The following HHLA1 variants were observed in gnomAD, a reference collection of about 807,000 sequenced individuals.
HHLA1 encodes the protein HHLA1 neighbor of OC90.
A neutral mutation model predicts 69.9 loss-of-function variants in HHLA1; 72 were observed. The observed-to-expected ratio is 1.03, with a 90% CI of 0.85 to 1.25. The LOEUF (loss-of-function observed/expected upper bound fraction) is 1.25, where lower values mean the gene tolerates loss of function less well. HHLA1 is among the 50% of genes most tolerant of loss of function. The pLI is 0.00. For missense variants in HHLA1, 685 were observed against 642.2 expected, an observed-to-expected ratio of 1.07 and a Z score of -0.72; for synonymous variants, 252 against 233.2, an observed-to-expected ratio of 1.08 and a Z score of -0.73.
At chr8:132,078,166 CAATA>C in intron 11 of HHLA1, among the ~76,000 whole-genome samples, 195 bp from the exon 12 acceptor site, 1 of 124,232 alleles carries the variant, frequency 8.0e-6, no homozygotes, top group East Asian at 2.4e-4. Context: ...TCCTAAGCAC[CAATA>C]AACACACACA....
At chr8:132,069,273 A>G (rs1823490617) in intron 15 of HHLA1, among the ~76,000 whole-genome samples, 1 of 152,174 alleles carries the variant, frequency 6.6e-6, no homozygotes, top group Non-Finnish European at 1.5e-5. Flanking sequence ...CTGGGATCCC[A>G]TAGCATGTTA....
chr8:132,108,244 G>A (rs1440067460), intron 1 of HHLA1, among the ~76,000 whole-genome samples: 1 of 152,178 alleles, frequency 6.6e-6, no homozygotes, highest in Non-Finnish European at 1.5e-5. Context: ...CATGGAGCAA[G>A]TGCTATATAA....
In HHLA1 at chr8:132,087,682, G is replaced by C. The variant is rs1364527492; in HGVS notation, c.647C>G (p.Thr216Arg). The C allele has an allele frequency of 6.4e-7, 1 of 1,551,386 alleles. No homozygotes were observed. Among genetic ancestry groups the C allele is most frequent in the East Asian group, 2.4e-5 (1 of 40,924 alleles). Residue 216 changes from threonine (T) to arginine (R), a missense_variant, in exon 10 of 17, where the codon ACA becomes AGA. By Grantham distance (71) the Thr-to-Arg change is moderately conservative (BLOSUM62 -1). Transcript: ENST00000414222. ...IEEKYPIINY[T>R]FTSGLSGVLG... ...AACACCAGACAAGCCGCTGGTAAAT[G>C]TGTAATTGATAATGGGATATTTTTC...
Position 132,062,538 on chromosome 8 carries a change from G to A in HHLA1, c.*1457C>T, listed in dbSNP as rs1239525050. 2 of 152,280 alleles carry A rather than the reference G, an allele frequency of 1.3e-5. No individual in the cohort carries two copies. Among genetic ancestry groups the A allele is most frequent in the Non-Finnish European group, 2.9e-5 (2 of 68,128 alleles). The allele number at this position is 152,280 out of a possible 1,614,324, so 9.4% of individuals were successfully genotyped here. ...ACTCATGGCCCAGCAGAGTCCTAAG[G>A]CAAGAGAGTGGAGAAGGAGCACCAG... On this transcript the variant is annotated 3_prime_UTR_variant, in exon 17 of 17. Coordinates refer to ENST00000414222, the MANE Select transcript of HHLA1 (RefSeq NM_001145095.3).
At chr8:132,109,984 A>T (rs1279655260) in intron 1 of HHLA1, among the ~76,000 whole-genome samples, 3 of 152,206 alleles carry the variant, frequency 2.0e-5, no homozygotes, top group African/African-American at 7.2e-5. Flanking sequence ...TTGTCACAGC[A>T]GCCCTGGAGC....
In HHLA1 at chr8:132,071,436, G is replaced by T. The variant is rs1239775309; in HGVS notation, c.1373C>A (p.Ala458Asp). ...GAMAAAPLTL[A>D]IQRLNPCLME... Reference sequence around the variant, plus strand: ...CAGGCATGGGTTGAGCCTCTGAATAGCCAGGGTGAGAGGAGCAGCTGCCAT... The same window carrying T: ...CAGGCATGGGTTGAGCCTCTGAATATCCAGGGTGAGAGGAGCAGCTGCCAT... The change falls in exon 15 of 17, where the codon GCT (alanine) becomes GAT (aspartate). Residue 458 changes from alanine (A) to aspartate (D), a missense_variant. Physicochemically the swap from Ala to Asp is moderately radical, Grantham distance 126. Transcript: ENST00000414222. 2 of 1,551,660 alleles carry T rather than the reference G, an allele frequency of 1.3e-6. No homozygotes were observed. The highest frequency in any genetic ancestry group is 3.9e-5 in the Admixed American group (2 of 51,016).
chr8:132,067,472 T>G (rs1241050412), intron 15 of HHLA1, among the ~76,000 whole-genome samples: 4 of 152,130 alleles, frequency 2.6e-5, no homozygotes, highest in Non-Finnish European at 5.9e-5. Context: ...GAACCTGTAC[T>G]CTTAGGGAGA....
intron 8 of HHLA1, among the ~76,000 whole-genome samples, chr8:132,089,010 GTT>G: frequency 6.6e-6 from 1 of 152,206 alleles, no homozygotes; most frequent in African/African-American, 2.4e-5. Context: ...TTGTTGGACT[GTT>G]GAATAGATCC....
At chr8:132,092,270 T>C (rs1192780753) in intron 7 of HHLA1, among the ~76,000 whole-genome samples, 1 of 152,238 alleles carries the variant, frequency 6.6e-6, no homozygotes, top group Non-Finnish European at 1.5e-5. Flanking sequence ...AATTTCAAGC[T>C]TGCTTTGTGG....
At chr8:132,091,163 G>A (rs886905596) in intron 7 of HHLA1, among the ~76,000 whole-genome samples, 4 of 152,016 alleles carry the variant, frequency 2.6e-5, no homozygotes, top group African/African-American at 4.8e-5. Context: ...AATATTCATC[G>A]AGCATTTGCA....
At chr8:132,083,738 G>T (rs1823804438) in intron 10 of HHLA1, among the ~76,000 whole-genome samples, 1 of 152,204 alleles carries the variant, frequency 6.6e-6, no homozygotes, top group Admixed American at 6.5e-5. Flanking sequence ...AGGAACGCCT[G>T]GCCGCTGCGG....
At chr8:132,099,929 T>A in intron 4 of HHLA1, 146 bp downstream of exon 4, 1 of 638,534 alleles carries the variant, frequency 1.6e-6, no homozygotes, top group Non-Finnish European at 2.8e-6. Context: ...ATTCAAACAT[T>A]GTCTTCTTCA....
At position 132,077,854 on chromosome 8, in the gene HHLA1, C is replaced by G; in HGVS notation, c.1043G>C (p.Trp348Ser). The change falls in exon 12 of 17, where the codon TGG becomes TCG. Residue 348 changes from tryptophan to serine, a missense_variant. Physicochemically the swap from Trp to Ser is radical, Grantham distance 177. Coordinates refer to ENST00000414222, the MANE Select transcript of HHLA1 (RefSeq NM_001145095.3). ...AGTCGGTGGGGAAGAACGAGTTTCCCAGAGAGACCCTCCAGGTTTTTTCTC... is the reference window on the plus strand; with the variant it reads ...AGTCGGTGGGGAAGAACGAGTTTCCGAGAGAGACCCTCCAGGTTTTTTCTC... ...ISEKKPGGSL[W>S]ETRSSPPTTA... 6.4e-7 allele frequency: 1 copy of G among 1,551,464 alleles called. No individual in the cohort carries two copies. The highest frequency in any genetic ancestry group is 8.7e-7 in the Non-Finnish European group (1 of 1,146,954).
In HHLA1 at chr8:132,070,516, G is replaced by C. The variant is rs1015659483; in HGVS notation, c.1469+824C>G. The C allele has an allele frequency of 4.8e-6, 3 of 622,054 alleles. No homozygotes were observed. In the African/African-American group the frequency reaches 5.5e-5, roughly 11 times the overall value. 38.5% of individuals were successfully genotyped at this position (622,054 alleles called of 1,614,324 possible). A position where few individuals can be genotyped will look rare whatever the true frequency, so the allele number is the denominator to read the frequency against. ...CATAATTCTACTTAACATGACACAA[G>C]TTAACTTAACTCAACACAACATATC... On this transcript the variant is annotated intron_variant, in intron 15 of 16. Transcript: ENST00000414222.
intron 3 of HHLA1, among the ~76,000 whole-genome samples, chr8:132,100,803 C>T (rs1296268250): frequency 6.6e-6 from 1 of 152,096 alleles, no homozygotes; most frequent in African/African-American, 2.4e-5. Context: ...AGGGCACTAG[C>T]CTGGTGTCAG....
chr8:132,089,056 A>G, intron 8 of HHLA1, among the ~76,000 whole-genome samples: 1 of 152,156 alleles, frequency 6.6e-6, no homozygotes, highest in East Asian at 1.9e-4. Context: ...AGGAAATGTG[A>G]TTTTCCTGGG....
chr8:132,101,872 C>T (rs879189255), intron 3 of HHLA1, among the ~76,000 whole-genome samples: 3 of 152,152 alleles, frequency 2.0e-5, no homozygotes, highest in Admixed American at 1.3e-4. Flanking sequence ...GCACTCATCC[C>T]AATTAACAGA....
Position 132,079,756 on chromosome 8 carries a change from G to T in HHLA1, c.887C>A (p.Ala296Asp). The T allele has an allele frequency of 6.4e-7, 1 of 1,551,550 alleles. No homozygotes were observed. Among genetic ancestry groups the T allele is most frequent in the African/African-American group, 1.4e-5 (1 of 73,172 alleles). ...RPPELPARATATWFSASHTLP... is the reference protein window; with the variant it reads ...RPPELPARATDTWFSASHTLP... Reference sequence around the variant, plus strand: ...AGTGTGGGAGGCACTGAACCATGTGGCTGTGGCCCTGGCTGGAAGCTCAGG... The same window carrying T: ...AGTGTGGGAGGCACTGAACCATGTGTCTGTGGCCCTGGCTGGAAGCTCAGG... The change falls in exon 11 of 17, where the codon GCC becomes GAC. Residue 296 changes from alanine (A) to aspartate (D), a missense_variant. Transcript: ENST00000414222.
In HHLA1 at chr8:132,061,834, C is replaced by T. The variant is rs2130870149; in HGVS notation, c.*2161G>A. On this transcript the variant is annotated 3_prime_UTR_variant, in exon 17 of 17. Transcript: ENST00000414222. ...ATGGTATGACTGTAGAAAACTGGCC[C>T]CAAGGAGTCCTCTGAGCCTTTGTCC... 1 of 152,352 alleles carries T rather than the reference C, an allele frequency of 6.6e-6. No individual in the cohort carries two copies. Among genetic ancestry groups the T allele is most frequent in the African/African-American group, 2.4e-5 (1 of 41,570 alleles). The allele number at this position is 152,352 out of a possible 1,614,324, so 9.4% of individuals were successfully genotyped here.
Sources: gnomAD v4.1 joint callset for allele counts (sites outside exome capture counted in the v4.1 genomes callset) on GRCh38, gnomAD v4.1.1 for gene constraint, MANE v1.5 for transcripts, NCBI Gene and HGNC (gene_info 2026-07-23, HGNC 2026-07-21) for gene names.